Variants in NOC2L observed in about 807,000 individuals in gnomAD.
The protein encoded by NOC2L is nucleolar complex protein 2 homolog.
NOC2L carries 101 observed loss-of-function variants against 94.2 expected under a neutral mutation model. That is an observed-to-expected ratio of 1.07 (90% CI 0.91 to 1.26). The LOEUF (loss-of-function observed/expected upper bound fraction) is 1.26. Among genes scored for constraint, NOC2L ranks in the 50% most tolerant of loss-of-function variants. The probability of loss-of-function intolerance (pLI) is 0.00; values close to 1 mark genes in which losing one functional copy is unlikely to be tolerated. For synonymous variants in NOC2L, 531 were observed against 413.4 expected (o/e 1.28, Z -3.45); for missense variants, 1,076 against 980.1 (o/e 1.10, Z -1.31).
At chr1:948,260 C>T (rs773023850) in intron 13 of NOC2L, 28 bp from the exon 14 acceptor site, 19 of 1,534,114 alleles carry the variant, frequency 1.2e-5, no homozygotes, top group Non-Finnish European at 1.6e-5. Flanking sequence ...GGGCCGAGTG[C>T]ATCAGGGAGA....
intron 18 of NOC2L, 86 bp from the exon 19 acceptor site, chr1:944,886 G>A: frequency 3.8e-6 from 5 of 1,317,032 alleles, no homozygotes; most frequent in Non-Finnish European, 5.3e-6. Flanking sequence ...ATTAATCACG[G>A]CACTAATTAA....
intron 2 of NOC2L, chr1:958,060 G>GA (rs1642463905): frequency 7.6e-6 from 1 of 131,700 alleles, no homozygotes. Flanking sequence ...AACCACCTCC[G>GA]CTTTTTTTTT....
chr1:954,258 G>A (rs13303206), intron 6 of NOC2L, 176 bp from the exon 7 acceptor site: 5 of 600,044 alleles, frequency 8.3e-6, no homozygotes, highest in Non-Finnish European at 1.5e-5. Flanking sequence ...AGGGGCTTAG[G>A]AGGACCCTCT....
chr1:956,519 G>T (rs1344312815), intron 4 of NOC2L, among the ~76,000 whole-genome samples: 3 of 152,136 alleles, frequency 2.0e-5, no homozygotes, highest in Non-Finnish European at 2.9e-5. Flanking sequence ...AAAAAACACT[G>T]TGAGAGGCTC....
Position 946,422 on chromosome 1 carries a change from C to T in NOC2L, c.1783G>A (p.Val595Ile), listed in dbSNP as rs777256112. The T allele has an allele frequency of 9.3e-6, 15 of 1,613,568 alleles. No individual in the cohort carries two copies. The highest frequency in any genetic ancestry group is 2.2e-5 in the South Asian group (2 of 91,086). ...CTAACCACTGCCTGCTGCTCAGAGA[C>T]GCCGAAGGAAACCCTCTGGCGGCGG... The part of the protein sequence containing the change: ...CSRRQRVSFG[V>I]SEQQAVEAWE... Residue 595 changes from valine (V) to isoleucine (I), a missense_variant, in exon 15 of 19, where the codon GTC becomes ATC. By Grantham distance (29) the Val-to-Ile change is conservative (BLOSUM62 3). This residue lies in a region of NOC2L where 615 missense variants were observed against 577.4 expected (regional missense o/e 1.07). Coordinates refer to ENST00000327044, the MANE Select transcript of NOC2L (RefSeq NM_015658.4).
At chr1:953,316 C>G (rs759445638) in intron 8 of NOC2L, 28 bp from the exon 9 acceptor site, 4 of 1,354,162 alleles carry the variant, frequency 3.0e-6, no homozygotes, top group Admixed American at 3.4e-5. Context: ...TCACTGGTGG[C>G]CCCCCAGCCT....
intron 12 of NOC2L, among the ~76,000 whole-genome samples, chr1:950,646 C>T (rs1323788371): frequency 1.4e-5 from 2 of 138,310 alleles, no homozygotes; most frequent in East Asian, 2.1e-4. Flanking sequence ...CAGATGCACA[C>T]ATGAACTGAT....
At chr1:957,587 T>C (rs1181502605) in intron 2 of NOC2L, 1 of 343,304 alleles carries the variant, frequency 2.9e-6, no homozygotes, top group Admixed American at 4.2e-5. Context: ...TGCCTGATGG[T>C]GGCTTCACCC....
chr1:956,576 C>T (rs1290856992), intron 4 of NOC2L, among the ~76,000 whole-genome samples: 2 of 152,182 alleles, frequency 1.3e-5, no homozygotes, highest in African/African-American at 4.8e-5. Context: ...GTCCGTCCCA[C>T]CCACAGCGGG....
At position 956,990 on chromosome 1, in the gene NOC2L, T is replaced by C. The variant is rs139508079; in HGVS notation, c.390A>G (p.Gly130=). The part of the protein sequence containing the change: ...ASEEEDGAEE[G]EDGDRVPRGL... ...CTCTGGGGACTCTGTCCCCATCTTC[T>C]CCTTCCTCCGCTCCATCCTCCTCCT... is the stretch of plus-strand genomic sequence containing the variant. The change falls in exon 4 of 19, where the codon GGA becomes GGG. Residue 130 remains glycine, a synonymous_variant. Transcript: ENST00000327044. The C allele has an allele frequency of 2.0e-4, 315 of 1,614,076 alleles. 1 individual carries two copies. In the African/African-American group the frequency reaches 3.8e-3, roughly 19 times the overall value.
At chr1:947,807 C>T (rs1036322228) in intron 14 of NOC2L, among the ~76,000 whole-genome samples, 4 of 152,232 alleles carry the variant, frequency 2.6e-5, no homozygotes, top group Non-Finnish European at 5.9e-5. Flanking sequence ...AGTGTGCGAT[C>T]AGCGTACCAG....
chr1:953,711 G>T (rs1642320833), intron 8 of NOC2L, 71 bp downstream of exon 8: 3 of 1,144,640 alleles, frequency 2.6e-6, no homozygotes, highest in Non-Finnish European at 3.9e-6. Flanking sequence ...GCCAGGAGTG[G>T]GATGTGGTGG....
Position 952,476 on chromosome 1 carries a change from T to G in NOC2L, c.1127A>C (p.His376Pro). The G allele has an allele frequency of 6.2e-7, 1 of 1,613,716 alleles. No homozygotes were observed. Among genetic ancestry groups the G allele is most frequent in the Non-Finnish European group, 8.5e-7 (1 of 1,179,980 alleles). The change falls in exon 10 of 19, where the codon CAC becomes CCC. Residue 376 changes from histidine (H) to proline (P), a missense_variant. Transcript: ENST00000327044. ...LALEPGVAYQ[H>P]AFLYIRQLAI... ...GAGCTGGCGGATGTAGAGGAAGGCG[T>G]GCTGGTAGGCCACACCCGGCTCCAG...
chr1:954,720 G>A (rs1642356849), intron 6 of NOC2L, among the ~76,000 whole-genome samples: 1 of 152,040 alleles, frequency 6.6e-6, no homozygotes, highest in South Asian at 2.1e-4. Context: ...CCAGTTACTT[G>A]GGAGGCTAAG....
chr1:948,501 TCTC>T lies in NOC2L; in HGVS notation c.1543_1545del (p.Glu515del). On this transcript the variant is annotated inframe_deletion, in exon 13 of 19. Coordinates refer to ENST00000327044, the MANE Select transcript of NOC2L (RefSeq NM_015658.4). ...GAGGCCAGCCTCACCCGGTACGCCT[TCTC>T]CTGCAGGTTGACATTGGACAGCTTC... 6.2e-7 allele frequency: 1 copy of T among 1,612,770 alleles called. No individual in the cohort carries two copies.
In NOC2L at chr1:946,282, G is replaced by T. The variant is rs749182300; in HGVS notation, c.1808C>A (p.Ala603Asp). Reference protein sequence around the residue: ...FGVSEQQAVEAWEKLTREEGT... With the variant: ...FGVSEQQAVEDWEKLTREEGT... ...CTCTTCCCGGGTCAGCTTCTCCCAG[G>T]CTTCCTGGGGGGTTGGGGGAGTTCA... The change falls in exon 16 of 19, where the codon GCC becomes GAC. Residue 603 changes from alanine (A) to aspartate (D), a missense_variant. Physicochemically the swap from Ala to Asp is moderately radical, Grantham distance 126. Coordinates refer to ENST00000327044, the MANE Select transcript of NOC2L (RefSeq NM_015658.4). The T allele has an allele frequency of 6.2e-7, 1 of 1,613,316 alleles. No homozygotes were observed. Among genetic ancestry groups the T allele is most frequent in the Admixed American group, 1.7e-5 (1 of 59,988 alleles).
At chr1:948,103 C>T in intron 14 of NOC2L, 28 bp downstream of exon 14, 1 of 1,538,198 alleles carries the variant, frequency 6.5e-7, no homozygotes, top group Non-Finnish European at 8.8e-7. Flanking sequence ...CTGAGTCGGC[C>T]ACGAGCCGGT....
At chr1:954,261 G>GA (rs1642340446) in intron 6 of NOC2L, 179 bp from the exon 7 acceptor site, 1 of 573,306 alleles carries the variant, frequency 1.7e-6, no homozygotes, top group African/African-American at 1.9e-5. Flanking sequence ...GGCTTAGGAG[G>GA]ACCCTCTCAA....
At position 952,586 on chromosome 1, in the gene NOC2L, C is replaced by A. The variant is rs780942173; in HGVS notation, c.1017G>T (p.Thr339=). Residue 339 remains threonine, a synonymous_variant, in exon 10 of 19, where the codon ACG becomes ACT. Coordinates refer to ENST00000327044, the MANE Select transcript of NOC2L (RefSeq NM_015658.4). ...LGPVLKQMYI[T]YVRNCKFTSP... is the part of the protein sequence containing the mutation. Reference sequence around the variant, plus strand: ...AGGTGAACTTGCAGTTCCTCACATACGTGATGTACATTTGCTGCGGAGAGA... The same window carrying A: ...AGGTGAACTTGCAGTTCCTCACATAAGTGATGTACATTTGCTGCGGAGAGA... 1.9e-6 allele frequency: 3 copies of A among 1,613,780 alleles called. No individual in the cohort carries two copies. The highest frequency in any genetic ancestry group is 1.1e-5 in the South Asian group (1 of 91,090).
Sources: allele counts gnomAD v4.1 joint callset (sites outside exome capture counted in the v4.1 genomes callset), GRCh38; gene constraint gnomAD v4.1.1; regional missense constraint gnomAD v4.1.1; transcripts MANE v1.5; gene names NCBI Gene and HGNC (gene_info 2026-07-23, HGNC 2026-07-21).